The following TRIM41 variants were observed in gnomAD, a reference collection of about 807,000 sequenced individuals.
TRIM41 encodes E3 ubiquitin-protein ligase TRIM41.
In TRIM41, 21 loss-of-function variants were observed where a neutral mutation model predicts 60.6. The observed-to-expected ratio is 0.35, with a 90% CI of 0.25 to 0.50. The LOEUF is 0.50. TRIM41 is among the 20% of genes least tolerant of loss of function. The pLI is 0.98. For missense variants in TRIM41, 846 were observed against 868.3 expected (o/e 0.97, Z 0.32); for synonymous variants, 407 against 344.9 (o/e 1.18, Z -2.00).
rs1172116644 is a variant in TRIM41 at position 181,234,398 on chromosome 5, T to C, written c.1516T>C (p.Ser506Pro). The C allele has an allele frequency of 1.9e-6, 3 of 1,557,738 alleles. No homozygotes were observed. Among genetic ancestry groups the C allele is most frequent in the Non-Finnish European group, 2.6e-6 (3 of 1,151,900 alleles). Residue 506 changes from serine (S) to proline (P), a missense_variant, in exon 6 of 6, where the codon TCA becomes CCA. Transcript: ENST00000315073. The surrounding 1 kb of genome is among the most constrained non-coding windows in gnomAD (Gnocchi z 5.6). ...CTGGGCGGTGGGTGCTGCCCGTGAA[T>C]CAACCCATCATAAGGAAAAGGTGGG... ...RGWAVGAARE[S>P]THHKEKVGPG...
At position 181,233,505 on chromosome 5, in the gene TRIM41, T is replaced by C; in HGVS notation, c.1163+70T>C. The C allele has an allele frequency of 6.2e-7, 1 of 1,613,426 alleles. No individual in the cohort carries two copies. The highest frequency in any genetic ancestry group is 8.5e-7 in the Non-Finnish European group (1 of 1,179,442). On this transcript the variant is annotated intron_variant, in intron 4 of 5. Coordinates refer to ENST00000315073, the MANE Select transcript of TRIM41 (RefSeq NM_033549.5). This position sits in a 1 kb window ranked among gnomAD's most constrained non-coding sequence, Gnocchi z 4.1. ...TCCCTGTCCCTGCTTCTCTTCGGTA[T>C]CCCTCTCCTCTCCTTCCTTCCCCAG...
chr5:181,229,713 C>T (rs988400422), intron 1 of TRIM41: 1 of 152,172 alleles, frequency 6.6e-6, no homozygotes, highest in Non-Finnish European at 1.5e-5. Context: ...GGAGGCACAC[C>T]TGTCATTGGT....
rs183471494 is a variant in TRIM41, at chr5:181,235,225, G to A, written c.*450G>A. 2.0e-5 allele frequency: 32 copies of A among 1,578,944 alleles called. No individual in the cohort carries two copies. The East Asian group carries it at 6.6e-4, about 32-fold the overall frequency. ...ATTCCATTTTCTGATGCAGATTTTA[G>A]CTGAGGGATTTGGAAGCCATTTGGG... On this transcript the variant is annotated 3_prime_UTR_variant, in exon 6 of 6. Transcript: ENST00000315073.
chr5:181,230,871 C>A, intron 2 of TRIM41, 32 bp downstream of exon 2: 1 of 1,591,700 alleles, frequency 6.3e-7, no homozygotes, highest in Non-Finnish European at 8.6e-7. Flanking sequence ...GGCTGATGGG[C>A]AGTACAGTCG....
chr5:181,234,447 G>A lies in TRIM41; in HGVS notation c.1565G>A (p.Ser522Asn). ...GGCCCTGGGGGTTCCTCCGTGGGCA[G>A]CGGGGATGCCAGCTCCTCGCGCCAT... ...KVGPGGSSVGSGDASSSRHHH... is the reference protein window; with the variant it reads ...KVGPGGSSVGNGDASSSRHHH... The change falls in exon 6 of 6, where the codon AGC becomes AAC. Residue 522 changes from serine to asparagine, a missense_variant. Physicochemically the swap from Ser to Asn is conservative, Grantham distance 46 (BLOSUM62 1). Coordinates refer to ENST00000315073, the MANE Select transcript of TRIM41 (RefSeq NM_033549.5). This position sits in a 1 kb window ranked among gnomAD's most constrained non-coding sequence, Gnocchi z 5.6. 6.2e-7 allele frequency: 1 copy of A among 1,610,268 alleles called. No individual in the cohort carries two copies. Among genetic ancestry groups the A allele is most frequent in the Non-Finnish European group, 8.5e-7 (1 of 1,178,332 alleles).
rs750273553 is a variant in TRIM41, at chr5:181,224,817, G to C, written c.813+5G>C. The C allele has an allele frequency of 1.2e-6, 2 of 1,614,160 alleles. No individual in the cohort carries two copies. The highest frequency in any genetic ancestry group is 4.5e-5 in the East Asian group (2 of 44,872). On this transcript the variant is annotated splice_donor_5th_base_variant and intron_variant, in intron 1 of 5. Coordinates refer to ENST00000315073, the MANE Select transcript of TRIM41 (RefSeq NM_033549.5). ...GAGGTGGTGCAGGAGTACAAGGTGA[G>C]AGAAGTACAGAGAGAAGATGGGAGT...
In TRIM41 at chr5:181,224,821, A is replaced by C. The variant is rs199669086; in HGVS notation, c.813+9A>C. 2 of 1,614,156 alleles carry C rather than the reference A, an allele frequency of 1.2e-6. No homozygotes were observed. Among genetic ancestry groups the C allele is most frequent in the Non-Finnish European group, 1.7e-6 (2 of 1,180,024 alleles). The stretch of plus-strand genomic sequence containing the variant: ...TGGTGCAGGAGTACAAGGTGAGAGA[A>C]GTACAGAGAGAAGATGGGAGTTTAG... On this transcript the variant is annotated intron_variant, in intron 1 of 5. Transcript: ENST00000315073.
Position 181,233,667 on chromosome 5 carries a change from G to T in TRIM41, c.1195G>T (p.Val399Phe), listed in dbSNP as rs747680807. 1.2e-6 allele frequency: 2 copies of T among 1,614,180 alleles called. No individual in the cohort carries two copies. The highest frequency in any genetic ancestry group is 1.7e-5 in the Admixed American group (1 of 60,010). Residue 399 changes from valine to phenylalanine, a missense_variant, in exon 5 of 6, where the codon GTC becomes TTC. Val to Phe is a conservative substitution (Grantham distance 50, BLOSUM62 -1). Transcript: ENST00000315073. This position sits in a 1 kb window ranked among gnomAD's most constrained non-coding sequence, Gnocchi z 4.1. ...AGAGGTACAGCTGCAGCCCCCAGAGGTCTGGTCCCCTGACCCGTGCCAACC... is the reference window on the plus strand; with the variant it reads ...AGAGGTACAGCTGCAGCCCCCAGAGTTCTGGTCCCCTGACCCGTGCCAACC... ...CEEVQLQPPE[V>F]WSPDPCQPHS...
Position 181,224,161 on chromosome 5 carries a change from G to C in TRIM41, c.162G>C (p.Glu54Asp), listed in dbSNP as rs767740218. 2 of 1,614,116 alleles carry C rather than the reference G, an allele frequency of 1.2e-6. No individual in the cohort carries two copies. The highest frequency in any genetic ancestry group is 1.6e-4 in the Middle Eastern group (1 of 6,084). Residue 54 changes from glutamate (E) to aspartate (D), a missense_variant, in exon 1 of 6, where the codon GAG (glutamate) becomes GAC (aspartate). By Grantham distance (45) the Glu-to-Asp change is conservative. Coordinates refer to ENST00000315073, the MANE Select transcript of TRIM41 (RefSeq NM_033549.5). ...VTQLWGGEDEEDRDELDREEE... is the reference protein window; with the variant it reads ...VTQLWGGEDEDDRDELDREEE... Reference sequence around the variant, plus strand: ...AGTTGTGGGGTGGGGAGGATGAGGAGGACAGAGATGAGTTAGATCGGGAGG... The same window carrying C: ...AGTTGTGGGGTGGGGAGGATGAGGACGACAGAGATGAGTTAGATCGGGAGG...
rs1385595095 is a variant in TRIM41 at position 181,233,913 on chromosome 5, G to C, written c.1291+150G>C. On this transcript the variant is annotated intron_variant, in intron 5 of 5. Transcript: ENST00000315073. The surrounding 1 kb of genome is among the most constrained non-coding windows in gnomAD (Gnocchi z 4.1). ...CTCTGAGGTTGAGGTTTCAAGCCAT[G>C]AGCAGGTAGACCTAGTGCAGGCAGG... 10 of 1,347,766 alleles carry C rather than the reference G, an allele frequency of 7.4e-6. No homozygotes were observed. The African/African-American group carries it at 1.3e-4, about 17-fold the overall frequency. The allele number at this position is 1,347,766 out of a possible 1,614,324, so 83.5% of individuals were successfully genotyped here.
Position 181,224,804 on chromosome 5 carries a change from G to A in TRIM41, c.805G>A (p.Glu269Lys), listed in dbSNP as rs1011137615. 1 of 1,614,212 alleles carries A rather than the reference G, an allele frequency of 6.2e-7. No homozygotes were observed. The highest frequency in any genetic ancestry group is 1.1e-5 in the South Asian group (1 of 91,086). The change falls in exon 1 of 6, where the codon GAG (glutamate) becomes AAG (lysine). Residue 269 changes from glutamate to lysine, a missense_variant. Coordinates refer to ENST00000315073, the MANE Select transcript of TRIM41 (RefSeq NM_033549.5). ...SVVPLEEVVQEYKAKLQGHVE... is the reference protein window; with the variant it reads ...SVVPLEEVVQKYKAKLQGHVE... ...GGTGCCATTGGAGGAGGTGGTGCAG[G>A]AGTACAAGGTGAGAGAAGTACAGAG...
At chr5:181,226,567 T>G (rs1758561406) in intron 1 of TRIM41, 1 of 152,264 alleles carries the variant, frequency 6.6e-6, no homozygotes, top group South Asian at 2.1e-4. Flanking sequence ...ATTGCCTAGC[T>G]GTTAGTCCCT....
chr5:181,224,640 C>G lies in TRIM41; in HGVS notation c.641C>G (p.Thr214Ser). The part of the protein sequence containing the change: ...MVQVIRQMHP[T>S]PGRGSRVTDQ... The stretch of plus-strand genomic sequence containing the variant: ...CAGGTGATTCGGCAGATGCACCCAA[C>G]CCCTGGTCGAGGGAGCCGCGTGACC... The change falls in exon 1 of 6, where the codon ACC (threonine) becomes AGC (serine). Residue 214 changes from threonine to serine, a missense_variant. Transcript: ENST00000315073. 6.2e-7 allele frequency: 1 copy of G among 1,614,236 alleles called. No homozygotes were observed. The highest frequency in any genetic ancestry group is 8.5e-7 in the Non-Finnish European group (1 of 1,180,048).
chr5:181,233,177 C>A lies in TRIM41; in HGVS notation c.1141-236C>A, dbSNP rs748986394. ...GACATCCTGAAAAAGGTGAGCAAGTCGTATTGTGGAAATGACAGTATCCCT... is the reference window on the plus strand; with the variant it reads ...GACATCCTGAAAAAGGTGAGCAAGTAGTATTGTGGAAATGACAGTATCCCT... On this transcript the variant is annotated intron_variant, in intron 3 of 5. Coordinates refer to ENST00000315073, the MANE Select transcript of TRIM41 (RefSeq NM_033549.5). This position sits in a 1 kb window ranked among gnomAD's most constrained non-coding sequence, Gnocchi z 4.1. The A allele has an allele frequency of 7.0e-6, 5 of 714,090 alleles. No individual in the cohort carries two copies. The East Asian group carries it at 1.1e-4, about 15-fold the overall frequency. 44.2% of individuals were successfully genotyped at this position (714,090 alleles called of 1,614,324 possible). A position where few individuals can be genotyped will look rare whatever the true frequency, so the allele number is the denominator to read the frequency against.
chr5:181,227,644 CA>C (rs1391654346), intron 1 of TRIM41: 1 of 151,920 alleles, frequency 6.6e-6, no homozygotes, highest in African/African-American at 2.4e-5. Context: ...GCACCGCGCC[CA>C]GCCACAAGTG....
At position 181,235,372 on chromosome 5, in the gene TRIM41, T is replaced by A. The variant is rs1465272022; in HGVS notation, c.*597T>A. ...TCCATAGACCGGCCAGAATTTAGCT[T>A]CACTTGAGAGAGATCTGGAATGGTC... On this transcript the variant is annotated 3_prime_UTR_variant, in exon 6 of 6. Transcript: ENST00000315073. 1.1e-5 allele frequency: 17 copies of A among 1,614,084 alleles called. No individual in the cohort carries two copies. The highest frequency in any genetic ancestry group is 1.4e-5 in the Non-Finnish European group (16 of 1,180,046).
Position 181,235,205 on chromosome 5 carries a change from A to G in TRIM41, c.*430A>G. ...AAGGCAACATCCCCATTCCAATTCC[A>G]TTTTCTGATGCAGATTTTAGCTGAG... On this transcript the variant is annotated 3_prime_UTR_variant, in exon 6 of 6. Transcript: ENST00000315073. 2.6e-6 allele frequency: 4 copies of G among 1,553,224 alleles called. No homozygotes were observed. The highest frequency in any genetic ancestry group is 2.6e-6 in the Non-Finnish European group (3 of 1,146,094).
chr5:181,234,948 C>G lies in TRIM41; in HGVS notation c.*173C>G, dbSNP rs77505387. Reference sequence around the variant, plus strand: ...TCCCTCTAGGAGCCTAAAGAACCCTCCTGGCCTCCAGCTCAGCCTTCTCTC... The same window carrying G: ...TCCCTCTAGGAGCCTAAAGAACCCTGCTGGCCTCCAGCTCAGCCTTCTCTC... On this transcript the variant is annotated 3_prime_UTR_variant, in exon 6 of 6. Transcript: ENST00000315073. This position sits in a 1 kb window ranked among gnomAD's most constrained non-coding sequence, Gnocchi z 5.6. 3.6e-3 allele frequency: 5,847 copies of G among 1,614,018 alleles called. 199 individuals are homozygous for G. In the African/African-American group the frequency reaches 0.07, roughly 19 times the overall value.
Position 181,235,433 on chromosome 5 carries a change from T to C in TRIM41, c.*658T>C, listed in dbSNP as rs1247896604. 2.5e-6 allele frequency: 4 copies of C among 1,612,280 alleles called. No individual in the cohort carries two copies. The highest frequency in any genetic ancestry group is 3.4e-6 in the Non-Finnish European group (4 of 1,178,706). ...AAACCACGCACCATTACATCATCAT[T>C]ACATTAATTACATCAACATAAATTA... On this transcript the variant is annotated 3_prime_UTR_variant, in exon 6 of 6. Coordinates refer to ENST00000315073, the MANE Select transcript of TRIM41 (RefSeq NM_033549.5).
Sources: gnomAD v4.1 joint callset for allele counts on GRCh38, gnomAD v4.1.1 for gene constraint, Gnocchi (gnomAD v3.1) non-coding constraint, MANE v1.5 for transcripts, NCBI Gene and HGNC (gene_info 2026-07-23, HGNC 2026-07-21) for gene names.